Variants in ADAM22 observed in about 807,000 individuals in gnomAD.
ADAM22 encodes the protein disintegrin and metalloproteinase domain-containing protein 22.
ADAM22 carries 65 observed loss-of-function variants against 144.6 expected under a neutral mutation model. The ratio of observed to expected loss-of-function variants is 0.45; its 90% CI spans 0.37 to 0.55. The LOEUF is 0.55. ADAM22 is among the 20% of genes least tolerant of loss of function. ADAM22 has a pLI of 0.00. For synonymous variants in ADAM22, 391 were observed against 412.6 expected (o/e 0.95, Z 0.63); for missense variants, 974 against 1,184.9 (o/e 0.82, Z 2.61).
At chr7:88,092,477 C>G (rs1289530852) in intron 4 of ADAM22, among the ~76,000 whole-genome samples, 1 of 152,182 alleles carries the variant, frequency 6.6e-6, no homozygotes, top group African/African-American at 2.4e-5. Flanking sequence ...CCTAACTTTA[C>G]TTTTTATCTG....
chr7:88,024,848 A>G (rs1585087995), intron 3 of ADAM22, among the ~76,000 whole-genome samples: 1 of 151,798 alleles, frequency 6.6e-6, no homozygotes, highest in Admixed American at 6.6e-5. Context: ...GATGGTTACC[A>G]CCTTCATCCA....
In ADAM22 at chr7:88,200,012, T is replaced by G. The variant is rs575090835; in HGVS notation, c.*3521T>G. On this transcript the variant is annotated 3_prime_UTR_variant, in exon 32 of 32. Coordinates refer to ENST00000413139, the MANE Select transcript of ADAM22 (RefSeq NM_001324418.2). ...TAACAGGCTTACATTTCTTTTCTAT[T>G]GATTCCCTTGCATATCTACATAATT... 62 of 152,346 alleles carry G rather than the reference T, an allele frequency of 4.1e-4. No individual in the cohort carries two copies. The highest frequency in any genetic ancestry group is 1.5e-3 in the African/African-American group (62 of 41,590). The allele number at this position is 152,346 out of a possible 1,614,324, so 9.4% of individuals were successfully genotyped here. A position where few individuals can be genotyped will look rare whatever the true frequency, so the allele number is the denominator to read the frequency against.
intron 5 of ADAM22, among the ~76,000 whole-genome samples, chr7:88,112,142 C>T (rs1471973955): frequency 6.6e-6 from 1 of 152,192 alleles, no homozygotes; most frequent in East Asian, 1.9e-4. Context: ...AAAGGCTCCC[C>T]CTCTGACTCC....
chr7:88,054,894 T>C (rs1042236157), intron 3 of ADAM22, among the ~76,000 whole-genome samples: 4 of 152,178 alleles, frequency 2.6e-5, no homozygotes, highest in Admixed American at 6.5e-5. Context: ...AAGTAGACTT[T>C]TAAATTTTAA....
intron 3 of ADAM22, among the ~76,000 whole-genome samples, chr7:88,036,513 A>G (rs1226917267): frequency 6.6e-6 from 1 of 152,182 alleles, no homozygotes; most frequent in African/African-American, 2.4e-5. Context: ...TTTGGCAATC[A>G]TTAATAATAC....
chr7:87,978,753 C>T (rs1331938821), intron 3 of ADAM22, among the ~76,000 whole-genome samples: 1 of 152,088 alleles, frequency 6.6e-6, no homozygotes, highest in Non-Finnish European at 1.5e-5. Flanking sequence ...TCCTTGAGAA[C>T]AGCAGGAAAG....
intron 2 of ADAM22, among the ~76,000 whole-genome samples, chr7:87,944,263 T>TG (rs1177001394): frequency 6.6e-6 from 1 of 151,828 alleles, no homozygotes; most frequent in Non-Finnish European, 1.5e-5. Context: ...GTTAGGATGT[T>TG]GGGGGTCAGG....
At chr7:88,164,887 C>G (rs538896158) in intron 23 of ADAM22, among the ~76,000 whole-genome samples, 14 of 152,134 alleles carry the variant, frequency 9.2e-5, no homozygotes, top group South Asian at 2.1e-4. Context: ...ATTAAGGTCC[C>G]TTAGTAAGAC....
chr7:88,063,560 T>C (rs1045130303), intron 3 of ADAM22, among the ~76,000 whole-genome samples: 2 of 152,078 alleles, frequency 1.3e-5, no homozygotes, highest in Non-Finnish European at 2.9e-5. Context: ...CAAAGAAATA[T>C]TTTAAGAAAA....
chr7:88,176,993 A>G (rs1298762668), intron 26 of ADAM22, among the ~76,000 whole-genome samples: 2 of 152,096 alleles, frequency 1.3e-5, no homozygotes, highest in Non-Finnish European at 2.9e-5. Flanking sequence ...TCCAACTCCC[A>G]ACCTCAAGTG....
intron 3 of ADAM22, among the ~76,000 whole-genome samples, chr7:88,050,633 G>A (rs992474282): frequency 1.8e-4 from 27 of 152,128 alleles, no homozygotes; most frequent in Middle Eastern, 3.4e-3. Flanking sequence ...TTTTTCATGC[G>A]TCTGTTGGCT....
intron 18 of ADAM22, 103 bp from the exon 19 acceptor site, chr7:88,150,877 AG>A: frequency 1.0e-6 from 1 of 955,326 alleles, no homozygotes; most frequent in South Asian, 1.4e-5. Context: ...ATAAGGGACT[AG>A]CCATATTAAC....
At chr7:88,167,810 G>C (rs1843294015) in intron 24 of ADAM22, among the ~76,000 whole-genome samples, 1 of 152,104 alleles carries the variant, frequency 6.6e-6, no homozygotes, top group Non-Finnish European at 1.5e-5. Flanking sequence ...AAAGAGGTAA[G>C]GATCAAAAGG....
intron 5 of ADAM22, among the ~76,000 whole-genome samples, chr7:88,113,703 A>AATATATATATATATATATAT (rs58099116): frequency 2.9e-4 from 14 of 48,098 alleles, no homozygotes; most frequent in Admixed American, 5.5e-4. Flanking sequence ...TAAATAAATA[A>AATATATATATATATATATAT]ATATATATAT....
At chr7:88,053,952 G>A (rs1004256555) in intron 3 of ADAM22, among the ~76,000 whole-genome samples, 12 of 151,974 alleles carry the variant, frequency 7.9e-5, no homozygotes, top group Admixed American at 1.3e-4. Context: ...CCAACATGGC[G>A]AAACCCGATC....
chr7:88,128,593 G>A lies in ADAM22; in HGVS notation c.679-9G>A, dbSNP rs755438965. The A allele has an allele frequency of 4.4e-6, 7 of 1,608,226 alleles. No homozygotes were observed. The highest frequency in any genetic ancestry group is 6.0e-6 in the Non-Finnish European group (7 of 1,175,082). On this transcript the variant is annotated splice_polypyrimidine_tract_variant and intron_variant, in intron 8 of 31. Coordinates refer to ENST00000413139, the MANE Select transcript of ADAM22 (RefSeq NM_001324418.2). ...TGAATTAGGTGCTGTTTCCTTTCCTGTGTTACAGCTTCGTCGATATCCTCG... is the reference window on the plus strand; with the variant it reads ...TGAATTAGGTGCTGTTTCCTTTCCTATGTTACAGCTTCGTCGATATCCTCG...
At chr7:88,053,934 C>T (rs908970099) in intron 3 of ADAM22, among the ~76,000 whole-genome samples, 8 of 152,190 alleles carry the variant, frequency 5.3e-5, no homozygotes, top group African/African-American at 1.9e-4. Context: ...AGTTCAAGAT[C>T]AGCCTGGCCA....
In ADAM22 at chr7:87,954,778, A is replaced by T. The variant is rs535118233; in HGVS notation, c.246+19592A>T. Reference sequence around the variant, plus strand: ...CATTCTCCCCATCACTTTCAGGTACACCAATCAGACGCAGATTTGGTCTTC... The same window carrying T: ...CATTCTCCCCATCACTTTCAGGTACTCCAATCAGACGCAGATTTGGTCTTC... On this transcript the variant is annotated intron_variant, in intron 2 of 31. Transcript: ENST00000413139. 1.1e-3 allele frequency among the ~76,000 whole-genome samples: 168 copies of T among 152,300 alleles called. 1 individual carries two copies. The highest frequency in any genetic ancestry group is 2.0e-3 in the Non-Finnish European group (139 of 68,036).
At chr7:88,066,166 G>T (rs758339575) in intron 3 of ADAM22, among the ~76,000 whole-genome samples, 1 of 152,128 alleles carries the variant, frequency 6.6e-6, no homozygotes. Flanking sequence ...GATGATAAGC[G>T]AAATGTTGAC....
Sources: allele counts gnomAD v4.1 joint callset (sites outside exome capture counted in the v4.1 genomes callset), GRCh38; gene constraint gnomAD v4.1.1; transcripts MANE v1.5; gene names NCBI Gene and HGNC (gene_info 2026-07-23, HGNC 2026-07-21).